Variants in NOS3 observed in about 807,000 individuals in gnomAD.
The protein encoded by NOS3 is nitric oxide synthase 3.
In NOS3, 98 loss-of-function variants were observed where a neutral mutation model predicts 144.9. The ratio of observed to expected loss-of-function variants is 0.68; its 90% CI spans 0.57 to 0.80. The LOEUF is 0.80. Ranked by LOEUF, NOS3 falls within the 30% of genes least tolerant of loss-of-function variation. NOS3 has a pLI of 0.00. For synonymous variants in NOS3, 714 were observed against 702.4 expected (o/e 1.02, Z -0.26); for missense variants, 1,465 against 1,656.4 (o/e 0.88, Z 2.01).
In NOS3 at chr7:151,009,040, C is replaced by T. The variant is rs1248809414; in HGVS notation, c.2223C>T (p.Ala741=). The change falls in exon 18 of 27, where the codon GCC becomes GCT. Residue 741 remains alanine (A), a synonymous_variant. Transcript: ENST00000297494. ...KRQRYRLSAQ[A]EGLQLLPGLI... is the part of the protein sequence containing the mutation. ...AGAGGTACCGGCTGAGCGCCCAGGC[C>T]GAGGGCCTGCAGTTGCTGCCAGGTG... The T allele has an allele frequency of 1.2e-6, 2 of 1,612,604 alleles. No homozygotes were observed. Among genetic ancestry groups the T allele is most frequent in the African/African-American group, 2.7e-5 (2 of 74,886 alleles).
rs560880085 is a variant in NOS3 at position 150,996,962 on chromosome 7, C to T, written c.582+37C>T. ...CAGCGACTGAGAGACCCGGGCGCTACCAAAAGGGGAGCGGGGTGGCGGGGC... is the reference window on the plus strand; with the variant it reads ...CAGCGACTGAGAGACCCGGGCGCTATCAAAAGGGGAGCGGGGTGGCGGGGC... On this transcript the variant is annotated intron_variant, in intron 5 of 26. Transcript: ENST00000297494. The T allele has an allele frequency of 2.1e-5, 33 of 1,536,290 alleles. No homozygotes were observed. The African/African-American group carries it at 4.0e-4, about 18-fold the overall frequency.
chr7:151,001,287 C>G lies in NOS3; in HGVS notation c.1290C>G (p.His430Gln). ...CCGCCACGGCCTCTTTCATGAAGCACCTGGAGAATGAGCAGAAGGCCAGGG... is the reference window on the plus strand; with the variant it reads ...CCGCCACGGCCTCTTTCATGAAGCAGCTGGAGAATGAGCAGAAGGCCAGGG... ...HHAATASFMK[H>Q]LENEQKARGG... Residue 430 changes from histidine to glutamine, a missense_variant, in exon 11 of 27, where the codon CAC becomes CAG. By Grantham distance (24) the His-to-Gln change is conservative (BLOSUM62 0). Coordinates refer to ENST00000297494, the MANE Select transcript of NOS3 (RefSeq NM_000603.5). 6.2e-7 allele frequency: 1 copy of G among 1,613,862 alleles called. No homozygotes were observed. The highest frequency in any genetic ancestry group is 8.5e-7 in the Non-Finnish European group (1 of 1,179,956).
In NOS3 at chr7:151,010,650, G is replaced by A. The variant is rs534124282; in HGVS notation, c.2739G>A (p.Glu913=). ...GGTTCCGCTGCCCCACGCTGCTGGAGGTGCTGGAGCAGTTCCCGTCGGTGG... is the reference window on the plus strand; with the variant it reads ...GGTTCCGCTGCCCCACGCTGCTGGAAGTGCTGGAGCAGTTCCCGTCGGTGG... The part of the protein sequence containing the change: ...WKWFRCPTLL[E]VLEQFPSVAL... The change falls in exon 22 of 27, where the codon GAG becomes GAA. Residue 913 remains glutamate, a synonymous_variant. Transcript: ENST00000297494. 47 of 1,607,418 alleles carry A rather than the reference G, an allele frequency of 2.9e-5. 1 individual carries two copies. In the East Asian group the frequency reaches 9.7e-4, roughly 33 times the overall value.
rs527753775 is a variant in NOS3 at position 150,998,641 on chromosome 7, C to T, written c.777C>T (p.Gly259=). 18 of 1,608,240 alleles carry T rather than the reference C, an allele frequency of 1.1e-5. No homozygotes were observed. Among genetic ancestry groups the T allele is most frequent in the Admixed American group, 1.7e-5 (1 of 59,368 alleles). Residue 259 remains glycine (G), a synonymous_variant, in exon 7 of 27, where the codon GGC becomes GGT. Coordinates refer to ENST00000297494, the MANE Select transcript of NOS3 (RefSeq NM_000603.5). This position sits in a 1 kb window ranked among gnomAD's most constrained non-coding sequence, Gnocchi z 5.0. ...ACGCGGGCTACCGGCAGCAGGATGGCTCTGTGCGGGGGGACCCAGCCAACG... is the reference window on the plus strand; with the variant it reads ...ACGCGGGCTACCGGCAGCAGGATGGTTCTGTGCGGGGGGACCCAGCCAACG... The part of the protein sequence containing the change: ...VRYAGYRQQD[G]SVRGDPANVE...
At chr7:151,006,774 A>T (rs1310586856) in intron 15 of NOS3, 115 bp from the exon 16 acceptor site, 15 of 860,800 alleles carry the variant, frequency 1.7e-5, no homozygotes, top group Non-Finnish European at 9.5e-6. Flanking sequence ...TCCCAAGGGC[A>T]GGGCCTTTCC....
At chr7:151,012,724 G>T in intron 24 of NOS3, 1 of 442,320 alleles carries the variant, frequency 2.3e-6, no homozygotes. Flanking sequence ...AATTTTCAAA[G>T]GGATTAGGGC....
chr7:151,008,824 G>A, intron 17 of NOS3, 106 bp from the exon 18 acceptor site: 2 of 1,324,648 alleles, frequency 1.5e-6, no homozygotes, highest in East Asian at 5.2e-5. Flanking sequence ...CAGCCACTGG[G>A]GCTGCCAACC....
In NOS3 at chr7:151,001,963, C is replaced by T. The variant is rs142781987; in HGVS notation, c.1645C>T (p.Arg549Trp). The part of the protein sequence containing the change: ...GRLFRKAFDP[R>W]VLCMDEYDVV... ...ACTCTTCCGGAAGGCTTTTGATCCC[C>T]GGGTAGGGCTGAGCCCAGGGGAGCA... The change falls in exon 13 of 27, where the codon CGG (arginine) becomes TGG (tryptophan). Residue 549 changes from arginine (R) to tryptophan (W), a missense_variant and splice_region_variant. Arg to Trp is a moderately radical substitution (Grantham distance 101). Around this residue, in one of 5 missense-constraint regions of NOS3, gnomAD observed 745 missense variants for 853.9 expected, o/e 0.87. Coordinates refer to ENST00000297494, the MANE Select transcript of NOS3 (RefSeq NM_000603.5). 1.4e-5 allele frequency: 22 copies of T among 1,613,392 alleles called. No homozygotes were observed. The highest frequency in any genetic ancestry group is 1.7e-5 in the Non-Finnish European group (20 of 1,179,994).
At chr7:151,011,546 A>G (rs1584912958) in intron 23 of NOS3, among the ~76,000 whole-genome samples, 1 of 125,978 alleles carries the variant, frequency 7.9e-6, no homozygotes, top group African/African-American at 3.0e-5. Flanking sequence ...TGGGAGGTGG[A>G]GCTTGCAGTG....
At chr7:151,000,743 G>T in intron 10 of NOS3, 144 bp downstream of exon 10, 2 of 646,356 alleles carry the variant, frequency 3.1e-6, no homozygotes, top group Non-Finnish European at 5.6e-6. Context: ...GTGCCATGGC[G>T]CACACTGGCC....
rs1669565784 is a variant in NOS3 at position 150,998,584 on chromosome 7, C to T, written c.720C>T (p.Asp240=). The T allele has an allele frequency of 1.2e-6, 2 of 1,608,866 alleles. No individual in the cohort carries two copies. The highest frequency in any genetic ancestry group is 1.3e-5 in the African/African-American group (1 of 74,918). ...CGCAGCGCTGCCCTGGCCGAGGAGA[C>T]TTCCGAATCTGGAACAGCCAGCTGG... ...VFPQRCPGRG[D]FRIWNSQLVR... is the part of the protein sequence containing the mutation. The change falls in exon 7 of 27, where the codon GAC becomes GAT. Residue 240 remains aspartate, a synonymous_variant. Transcript: ENST00000297494. The surrounding 1 kb of genome is among the most constrained non-coding windows in gnomAD (Gnocchi z 5.0).
chr7:150,992,556 C>T (rs960690825), intron 1 of NOS3, among the ~76,000 whole-genome samples: 1 of 152,164 alleles, frequency 6.6e-6, no homozygotes, highest in African/African-American at 2.4e-5. Flanking sequence ...ACTGGCAGAC[C>T]CCACCTTCTT....
In NOS3 at chr7:150,998,449, G is replaced by T; in HGVS notation, c.674+1G>T. 2 of 1,612,210 alleles carry T rather than the reference G, an allele frequency of 1.2e-6. No individual in the cohort carries two copies. Among genetic ancestry groups the T allele is most frequent in the Non-Finnish European group, 1.7e-6 (2 of 1,179,740 alleles). Reference sequence around the variant, plus strand: ...ATGCCACCAACCGGGGCAACCTTCGGTGAGTGCCCCCCACCATGCCAGGCC... The same window carrying T: ...ATGCCACCAACCGGGGCAACCTTCGTTGAGTGCCCCCCACCATGCCAGGCC... On this transcript the variant is annotated splice_donor_variant, in intron 6 of 26. Coordinates refer to ENST00000297494, the MANE Select transcript of NOS3 (RefSeq NM_000603.5). LOFTEE classifies it high-confidence loss of function. This position sits in a 1 kb window ranked among gnomAD's most constrained non-coding sequence, Gnocchi z 5.0.
At position 150,993,826 on chromosome 7, in the gene NOS3, C is replaced by A; in HGVS notation, c.23C>A (p.Ala8Asp). 6.3e-7 allele frequency: 1 copy of A among 1,599,924 alleles called. No individual in the cohort carries two copies. Among genetic ancestry groups the A allele is most frequent in the Non-Finnish European group, 8.5e-7 (1 of 1,176,320 alleles). Reference sequence around the variant, plus strand: ...AACATGGGCAACTTGAAGAGCGTGGCCCAGGAGCCTGGGCCACCCTGCGGC... The same window carrying A: ...AACATGGGCAACTTGAAGAGCGTGGACCAGGAGCCTGGGCCACCCTGCGGC... Reference protein sequence around the residue: MGNLKSVAQEPGPPCGLG... With the variant: MGNLKSVDQEPGPPCGLG... The change falls in exon 2 of 27, where the codon GCC (alanine) becomes GAC (aspartate). Residue 8 changes from alanine to aspartate, a missense_variant. Ala to Asp is a moderately radical substitution (Grantham distance 126). Around this residue, in one of 5 missense-constraint regions of NOS3, gnomAD observed 374 missense variants for 377.0 expected, o/e 0.99. Coordinates refer to ENST00000297494, the MANE Select transcript of NOS3 (RefSeq NM_000603.5). This position sits in a 1 kb window ranked among gnomAD's most constrained non-coding sequence, Gnocchi z 4.0.
chr7:151,004,730 C>T (rs1366840723), intron 14 of NOS3, among the ~76,000 whole-genome samples: 1 of 152,198 alleles, frequency 6.6e-6, no homozygotes, highest in African/African-American at 2.4e-5. Context: ...AGTTCAGAAA[C>T]AGGCAGAACT....
chr7:150,992,710 T>C (rs1275245479), intron 1 of NOS3, among the ~76,000 whole-genome samples: 2 of 151,230 alleles, frequency 1.3e-5, no homozygotes, highest in Non-Finnish European at 3.0e-5. Flanking sequence ...GTCTGTCTGC[T>C]GCTCCTAGTC....
intron 23 of NOS3, chr7:151,011,977 T>A (rs898159248): frequency 1.0e-5 from 3 of 293,036 alleles, no homozygotes; most frequent in Non-Finnish European, 2.1e-5. Context: ...CCCAGGTGGC[T>A]AAACTACAAA....
chr7:151,008,228 G>C (rs1795235864), intron 17 of NOS3, among the ~76,000 whole-genome samples: 1 of 152,110 alleles, frequency 6.6e-6, no homozygotes, highest in Admixed American at 6.5e-5. Flanking sequence ...AAGGAAGGGA[G>C]GGAGGGGCCG....
At chr7:150,996,672 C>G in intron 4 of NOS3, 91 bp from the exon 5 acceptor site, 1 of 1,498,688 alleles carries the variant, frequency 6.7e-7, no homozygotes, top group Non-Finnish European at 9.1e-7. Context: ...CCCCTCCCGC[C>G]CTCCCCCAGC....
Sources: allele counts gnomAD v4.1 joint callset (sites outside exome capture counted in the v4.1 genomes callset), GRCh38; gene constraint gnomAD v4.1.1; regional missense constraint gnomAD v4.1.1; non-coding constraint Gnocchi (gnomAD v3.1); transcripts MANE v1.5; gene names NCBI Gene and HGNC (gene_info 2026-07-23, HGNC 2026-07-21).